The following DNAL1 variants were observed in gnomAD, a reference collection of about 807,000 sequenced individuals.
DNAL1 encodes dynein axonemal light chain 1.
DNAL1 carries 17 observed loss-of-function variants against 29.4 expected under a neutral mutation model. The ratio of observed to expected loss-of-function variants is 0.58; its 90% CI spans 0.40 to 0.87. The LOEUF (loss-of-function observed/expected upper bound fraction) is 0.87. Among genes scored for constraint, DNAL1 ranks in the 40% least tolerant of loss-of-function variants. The pLI, the probability that DNAL1 is intolerant of heterozygous loss-of-function variation, is 0.00. For missense variants in DNAL1, 188 were observed against 214.1 expected (o/e 0.88, Z 0.76); for synonymous variants, 78 against 76.3 (o/e 1.02, Z -0.12).
At chr14:73,662,826 T>C (rs11846921) in intron 4 of DNAL1, among the ~76,000 whole-genome samples, 1 of 133,820 alleles carries the variant, frequency 7.5e-6, no homozygotes, top group Non-Finnish European at 1.6e-5. Context: ...TTTTTTTTTT[T>C]GCCATATAAG....
In DNAL1 at chr14:73,658,832, G is replaced by T; in HGVS notation, c.43-15G>T. 1 of 1,582,260 alleles carries T rather than the reference G, an allele frequency of 6.3e-7. No homozygotes were observed. The highest frequency in any genetic ancestry group is 8.6e-7 in the Non-Finnish European group (1 of 1,160,008). ...CAATCATGGGTTATTTCTTCCAAAT[G>T]TATTTTTCTCATAGGAAGAGAAAAC... On this transcript the variant is annotated splice_polypyrimidine_tract_variant and intron_variant, in intron 2 of 7. Coordinates refer to ENST00000553645, the MANE Select transcript of DNAL1 (RefSeq NM_031427.4).
chr14:73,688,644 G>A (rs1400774806), intron 6 of DNAL1, among the ~76,000 whole-genome samples: 7 of 152,058 alleles, frequency 4.6e-5, no homozygotes, highest in Admixed American at 3.9e-4. Context: ...AAGCAAAACT[G>A]TGTGATAAGT....
At chr14:73,652,613 C>T (rs2140025370) in intron 1 of DNAL1, among the ~76,000 whole-genome samples, 1 of 152,124 alleles carries the variant, frequency 6.6e-6, no homozygotes, top group East Asian at 1.9e-4. Flanking sequence ...TTCTTTTTTG[C>T]TCAATCAGGC....
intron 3 of DNAL1, among the ~76,000 whole-genome samples, chr14:73,659,875 G>A (rs1595205756): frequency 6.6e-6 from 1 of 152,168 alleles, no homozygotes; most frequent in East Asian, 1.9e-4. Context: ...GTGAGAACCA[G>A]TGCTAGCATT....
intron 1 of DNAL1, among the ~76,000 whole-genome samples, chr14:73,646,527 C>T (rs1472750494): frequency 6.6e-6 from 1 of 152,104 alleles, no homozygotes; most frequent in African/African-American, 2.4e-5. Flanking sequence ...TTTGTGAGGC[C>T]GAGGCGGGCA....
intron 7 of DNAL1, among the ~76,000 whole-genome samples, chr14:73,695,325 G>A (rs1336972529): frequency 6.6e-6 from 1 of 151,916 alleles, no homozygotes; most frequent in Non-Finnish European, 1.5e-5. Flanking sequence ...CCAAAGTGCT[G>A]GAATTAGAGG....
intron 5 of DNAL1, among the ~76,000 whole-genome samples, chr14:73,678,037 C>T (rs1396811259): frequency 1.3e-5 from 2 of 151,690 alleles, no homozygotes; most frequent in Admixed American, 6.6e-5. Flanking sequence ...CTTGGGACTA[C>T]AGGCACGCAC....
chr14:73,689,454 T>A lies in DNAL1; in HGVS notation c.471T>A (p.Ser157=). ...FVGNPLEEKH[S]AENNWIEEAT... ...GCAATCCCTTGGAAGAGAAACATTC[T>A]GCTGAGAATAACTGGATTGAAGAAG... The change falls in exon 7 of 8, where the codon TCT becomes TCA. Residue 157 remains serine (S), a synonymous_variant. Transcript: ENST00000553645. 6.4e-7 allele frequency: 1 copy of A among 1,569,540 alleles called. No homozygotes were observed. Among genetic ancestry groups the A allele is most frequent in the Non-Finnish European group, 8.6e-7 (1 of 1,156,946 alleles).
rs1024153674 is a variant in DNAL1, at chr14:73,700,793, A to G, written c.*4851A>G. On this transcript the variant is annotated 3_prime_UTR_variant, in exon 8 of 8. Coordinates refer to ENST00000553645, the MANE Select transcript of DNAL1 (RefSeq NM_031427.4). The stretch of plus-strand genomic sequence containing the variant: ...GATTTTATTTATTTGGGGCTGTTTA[A>G]TGTGTCTGTAAATCATGAAATATAA... The G allele has an allele frequency of 6.6e-6, 1 of 152,210 alleles. No individual in the cohort carries two copies. Among genetic ancestry groups the G allele is most frequent in the Non-Finnish European group, 1.5e-5 (1 of 68,042 alleles). 9.4% of individuals were successfully genotyped at this position (152,210 alleles called of 1,614,324 possible). A position where few individuals can be genotyped will look rare whatever the true frequency, so the allele number is the denominator to read the frequency against.
chr14:73,686,865 G>A (rs1488632396), intron 5 of DNAL1, among the ~76,000 whole-genome samples: 4 of 151,940 alleles, frequency 2.6e-5, no homozygotes, highest in African/African-American at 7.3e-5. Flanking sequence ...CTGCCTTATC[G>A]GCTTTAAAGC....
chr14:73,692,353 G>A (rs2140063623), intron 7 of DNAL1, among the ~76,000 whole-genome samples: 1 of 152,048 alleles, frequency 6.6e-6, no homozygotes, highest in Non-Finnish European at 1.5e-5. Context: ...GTGGTGGCAG[G>A]CGCCTATAAT....
rs370795541 is a variant in DNAL1, at chr14:73,671,415, A to C, written c.209-127A>C. ...CTTGATTACCCATTTTTGTTAACACAACCTTTCTTACTCATTGTATAAGGA... is the reference window on the plus strand; with the variant it reads ...CTTGATTACCCATTTTTGTTAACACCACCTTTCTTACTCATTGTATAAGGA... On this transcript the variant is annotated intron_variant, in intron 4 of 7. Coordinates refer to ENST00000553645, the MANE Select transcript of DNAL1 (RefSeq NM_031427.4). 1.1e-4 allele frequency: 115 copies of C among 1,060,748 alleles called. 1 individual carries two copies. In the East Asian group the frequency reaches 2.3e-3, roughly 21 times the overall value. 65.7% of individuals were successfully genotyped at this position (1,060,748 alleles called of 1,614,324 possible).
At chr14:73,665,263 G>A (rs1362391363) in intron 4 of DNAL1, among the ~76,000 whole-genome samples, 1 of 152,112 alleles carries the variant, frequency 6.6e-6, no homozygotes, top group Non-Finnish European at 1.5e-5. Flanking sequence ...TTGGCCTTCG[G>A]TATTTACATA....
At chr14:73,672,371 C>T (rs752949354) in intron 5 of DNAL1, among the ~76,000 whole-genome samples, 5 of 151,854 alleles carry the variant, frequency 3.3e-5, no homozygotes, top group Admixed American at 1.3e-4. Context: ...TTTGGGAGGC[C>T]GAGGCAGGCA....
chr14:73,662,760 G>A (rs1326962458), intron 4 of DNAL1, among the ~76,000 whole-genome samples: 1 of 151,524 alleles, frequency 6.6e-6, no homozygotes, highest in Admixed American at 6.6e-5. Flanking sequence ...CTGATCTTGA[G>A]GATAATCTCC....
chr14:73,665,704 T>C, intron 4 of DNAL1, among the ~76,000 whole-genome samples: 1 of 151,378 alleles, frequency 6.6e-6, no homozygotes, highest in Non-Finnish European at 1.5e-5. Flanking sequence ...GGCAGGAGAA[T>C]AGCTGGAACC....
At chr14:73,695,238 T>A (rs1892274881) in intron 7 of DNAL1, among the ~76,000 whole-genome samples, 1 of 150,384 alleles carries the variant, frequency 6.6e-6, no homozygotes, top group South Asian at 2.1e-4. Flanking sequence ...TTTTATTTTT[T>A]GTAGAGATGG....
intron 5 of DNAL1, among the ~76,000 whole-genome samples, chr14:73,677,917 A>ATGG (rs1891785779): frequency 5.1e-5 from 3 of 58,872 alleles, no homozygotes; most frequent in Non-Finnish European, 9.8e-5. Flanking sequence ...TGTGTGTGTG[A>ATGG]TGGTGGTCTG....
At chr14:73,671,005 G>T (rs2140042007) in intron 4 of DNAL1, among the ~76,000 whole-genome samples, 1 of 152,150 alleles carries the variant, frequency 6.6e-6, no homozygotes, top group African/African-American at 2.4e-5. Flanking sequence ...CAAAGTGCTG[G>T]GATTACAGGT....
Sources: allele counts gnomAD v4.1 joint callset (sites outside exome capture counted in the v4.1 genomes callset), GRCh38; gene constraint gnomAD v4.1.1; transcripts MANE v1.5; gene names NCBI Gene and HGNC (gene_info 2026-07-23, HGNC 2026-07-21).